The following SCD5 variants were observed in gnomAD, a reference collection of about 807,000 sequenced individuals.
SCD5 encodes the protein stearoyl-CoA desaturase 5.
Under a neutral mutation model 30.4 loss-of-function variants are expected in SCD5, and 20 were observed. The ratio of observed to expected loss-of-function variants is 0.66; its 90% CI spans 0.46 to 0.96. The LOEUF (loss-of-function observed/expected upper bound fraction) is 0.96. Ranked by LOEUF, SCD5 falls within the 40% of genes least tolerant of loss-of-function variation. SCD5 has a pLI of 0.00. For missense variants in SCD5, 381 were observed against 443.3 expected, an observed-to-expected ratio of 0.86 and a Z score of 1.26; for synonymous variants, 173 against 176.4, an observed-to-expected ratio of 0.98 and a Z score of 0.16.
chr4:82,782,645 C>G (rs1041624545), intron 1 of SCD5, among the ~76,000 whole-genome samples: 1 of 152,158 alleles, frequency 6.6e-6, no homozygotes, highest in African/African-American at 2.4e-5. Context: ...CCATCCCCAC[C>G]CCCATCCTCC....
At chr4:82,676,266 T>G (rs1407769969) in intron 3 of SCD5, among the ~76,000 whole-genome samples, 1 of 152,224 alleles carries the variant, frequency 6.6e-6, no homozygotes, top group African/African-American at 2.4e-5. Context: ...CTGGACTGCC[T>G]GTCTCCAGAA....
chr4:82,741,895 G>C (rs1553918733), intron 1 of SCD5, among the ~76,000 whole-genome samples: 1 of 151,762 alleles, frequency 6.6e-6, no homozygotes, highest in Non-Finnish European at 1.5e-5. Context: ...CTTTTGTTGG[G>C]GGAGCTGTTA....
At chr4:82,659,945 C>T (rs1287588815) in intron 3 of SCD5, 1 of 146,824 alleles carries the variant, frequency 6.8e-6, no homozygotes, top group African/African-American at 2.5e-5. Flanking sequence ...TGCAAAGACA[C>T]ATATAGGCTC....
chr4:82,748,302 A>C (rs910705722), intron 1 of SCD5, among the ~76,000 whole-genome samples: 1 of 151,906 alleles, frequency 6.6e-6, no homozygotes, highest in Non-Finnish European at 1.5e-5. Flanking sequence ...AGGCCTAGGC[A>C]TGCCTTGACT....
intron 1 of SCD5, among the ~76,000 whole-genome samples, chr4:82,770,450 T>TCTG (rs1323986452): frequency 2.0e-5 from 3 of 152,230 alleles, no homozygotes; most frequent in African/African-American, 7.2e-5. Context: ...TGCTGACAGT[T>TCTG]CTGCTGCTGC....
intron 1 of SCD5, among the ~76,000 whole-genome samples, chr4:82,718,072 C>CT (rs113602410): frequency 4.8e-4 from 68 of 141,076 alleles, no homozygotes; most frequent in East Asian, 4.1e-3. Flanking sequence ...TCATTATCAC[C>CT]TTTTTTTTTT....
chr4:82,795,324 T>C (rs189892195), intron 1 of SCD5, among the ~76,000 whole-genome samples: 367 of 152,302 alleles, frequency 2.4e-3, no homozygotes, highest in Non-Finnish European at 3.3e-3. Flanking sequence ...CACTGGGGCA[T>C]GAACTTGGCC....
intron 1 of SCD5, among the ~76,000 whole-genome samples, chr4:82,792,559 C>A (rs9790342): frequency 0.22 from 33,071 of 151,700 alleles, 4,406 homozygotes; most frequent in African/African-American, 0.38. Flanking sequence ...AAAAACCAAC[C>A]AACAAACAAA....
chr4:82,701,816 TG>T (rs774725676), intron 2 of SCD5, among the ~76,000 whole-genome samples: 8 of 152,204 alleles, frequency 5.3e-5, no homozygotes, highest in African/African-American at 7.2e-5. Context: ...TTGGTTGGAC[TG>T]GGTCTGTGAG....
chr4:82,797,683 G>C (rs1478994025), intron 1 of SCD5, among the ~76,000 whole-genome samples: 3 of 152,140 alleles, frequency 2.0e-5, no homozygotes, highest in African/African-American at 7.2e-5. Flanking sequence ...ACTTCACCGA[G>C]AACTGCAAAT....
intron 2 of SCD5, among the ~76,000 whole-genome samples, chr4:82,701,886 C>G (rs1311036586): frequency 1.3e-5 from 2 of 152,142 alleles, no homozygotes; most frequent in African/African-American, 4.8e-5. Flanking sequence ...AATCTGAATC[C>G]TGGCTCTTCC....
chr4:82,678,579 A>G (rs1439270570), intron 3 of SCD5, among the ~76,000 whole-genome samples: 1 of 152,232 alleles, frequency 6.6e-6, no homozygotes, highest in Non-Finnish European at 1.5e-5. Flanking sequence ...TGGAAATGAC[A>G]TACATAGCTG....
chr4:82,715,772 A>G (rs888581473), intron 1 of SCD5, among the ~76,000 whole-genome samples: 19 of 151,914 alleles, frequency 1.3e-4, no homozygotes, highest in Admixed American at 1.3e-4. Flanking sequence ...CTTAGCTGTC[A>G]TAGGATGATG....
chr4:82,730,738 A>G (rs951400791), intron 1 of SCD5, among the ~76,000 whole-genome samples: 19 of 149,856 alleles, frequency 1.3e-4, no homozygotes, highest in African/African-American at 4.2e-4. Context: ...GGCACCCACC[A>G]CCACGCCCGG....
chr4:82,718,753 T>A (rs2148831493), intron 1 of SCD5, among the ~76,000 whole-genome samples: 1 of 151,902 alleles, frequency 6.6e-6, no homozygotes, highest in South Asian at 2.1e-4. Flanking sequence ...TTTCAAGAGG[T>A]TTCTTCACAC....
chr4:82,736,280 C>A (rs1404549507), intron 1 of SCD5, among the ~76,000 whole-genome samples: 2 of 151,480 alleles, frequency 1.3e-5, no homozygotes, highest in African/African-American at 2.4e-5. Flanking sequence ...GAGCAAGACC[C>A]TGTCTAAGAA....
intron 2 of SCD5, chr4:82,691,738 T>G (rs1578023478): frequency 6.6e-6 from 1 of 152,072 alleles, no homozygotes; most frequent in South Asian, 2.1e-4. Flanking sequence ...ATGTTCCGGA[T>G]AGAAGCAGAG....
At chr4:82,650,513 T>C (rs561438096) in intron 3 of SCD5, among the ~76,000 whole-genome samples, 148 of 152,296 alleles carry the variant, frequency 9.7e-4, no homozygotes, top group South Asian at 6.4e-3. Flanking sequence ...TTGGGCAACA[T>C]GGCAAAACCG....
chr4:82,713,110 T>C (rs993635477), intron 1 of SCD5, among the ~76,000 whole-genome samples: 4 of 152,226 alleles, frequency 2.6e-5, no homozygotes, highest in South Asian at 2.1e-4. Flanking sequence ...CAGAAAGATA[T>C]GTTCTCTCAT....
Sources: allele counts gnomAD v4.1 joint callset (sites outside exome capture counted in the v4.1 genomes callset), GRCh38; gene constraint gnomAD v4.1.1; transcripts MANE v1.5; gene names NCBI Gene and HGNC (gene_info 2026-07-23, HGNC 2026-07-21).